The following PMFBP1 variants were observed in gnomAD, a reference collection of about 807,000 sequenced individuals.
The protein encoded by PMFBP1 is polyamine modulated factor 1 binding protein 1, also known as polyamine-modulated factor 1-binding protein 1.
In PMFBP1, 131 loss-of-function variants were observed where a neutral mutation model predicts 137.8. The ratio of observed to expected loss-of-function variants is 0.95; its 90% confidence interval spans 0.82 to 1.10. The LOEUF is 1.10. Among genes scored for constraint, PMFBP1 ranks in the 50% least tolerant of loss-of-function variants. The probability of loss-of-function intolerance (pLI) is 0.00; values close to 1 mark genes in which losing one functional copy is unlikely to be tolerated. For synonymous variants in PMFBP1, 490 were observed against 450.4 expected, an observed-to-expected ratio of 1.09 and a Z score of -1.11; for missense variants, 1,199 against 1,175.4, an observed-to-expected ratio of 1.02 and a Z score of -0.29.
chr16:72,136,719 G>C lies in PMFBP1; in HGVS notation c.1019C>G (p.Ser340Trp), dbSNP rs776632196. ...KDLRVELEAVSEQKRNIMKDM... is the reference protein window; with the variant it reads ...KDLRVELEAVWEQKRNIMKDM... ...CTTCATGATGTTTCTCTTCTGTTCC[G>C]ACACGGCCTCTAGTTCCACGCGCAG... The change falls in exon 8 of 21, where the codon TCG becomes TGG. Residue 340 changes from serine (S) to tryptophan (W), a missense_variant. By Grantham distance (177) the Ser-to-Trp change is radical. Coordinates refer to ENST00000237353, the MANE Select transcript of PMFBP1 (RefSeq NM_031293.3). The C allele has an allele frequency of 6.2e-7, 1 of 1,613,914 alleles. No individual in the cohort carries two copies. Among genetic ancestry groups the C allele is most frequent in the African/African-American group, 1.3e-5 (1 of 74,838 alleles).
At chr16:72,127,305 A>G (rs2144261319) in intron 14 of PMFBP1, among the ~76,000 whole-genome samples, 1 of 152,340 alleles carries the variant, frequency 6.6e-6, no homozygotes, top group South Asian at 2.1e-4. Flanking sequence ...CATATTTTAC[A>G]TGCCCTGGTG....
chr16:72,191,349 T>C, the PMFBP1 span, among the ~76,000 whole-genome samples: 56 of 152,382 alleles, frequency 3.7e-4, no homozygotes, highest in East Asian at 1.9e-3. Flanking sequence ...ATTATCTTTC[T>C]TCTTCCAGAA....
At chr16:72,228,357 G>A in the PMFBP1 span, among the ~76,000 whole-genome samples, 1 of 152,110 alleles carries the variant, frequency 6.6e-6, no homozygotes, top group Non-Finnish European at 1.5e-5. Flanking sequence ...ATTCCCTTAC[G>A]ATTTTGTTAT....
chr16:72,186,795 G>C, the PMFBP1 span, among the ~76,000 whole-genome samples: 1 of 152,140 alleles, frequency 6.6e-6, no homozygotes. Context: ...CACATTTATA[G>C]AAGTTTATTA....
At chr16:72,240,833 T>C in the PMFBP1 span, among the ~76,000 whole-genome samples, 49 of 152,338 alleles carry the variant, frequency 3.2e-4, no homozygotes, top group East Asian at 8.7e-3. Context: ...AATCTTTTTA[T>C]ATGTAAATAT....
the PMFBP1 span, among the ~76,000 whole-genome samples, chr16:72,227,854 C>T: frequency 2.0e-5 from 3 of 152,084 alleles, no homozygotes; most frequent in African/African-American, 7.2e-5. Flanking sequence ...AGCATTGTGC[C>T]CCCACACAAT....
the PMFBP1 span, among the ~76,000 whole-genome samples, chr16:72,190,577 G>A: frequency 6.6e-6 from 1 of 152,154 alleles, no homozygotes; most frequent in African/African-American, 2.4e-5. Context: ...GAAAGGGAAA[G>A]GGAGAGACAG....
At chr16:72,190,667 A>C in the PMFBP1 span, among the ~76,000 whole-genome samples, 1 of 152,076 alleles carries the variant, frequency 6.6e-6, no homozygotes. Flanking sequence ...AGAGAGTTGC[A>C]GGGGTGAGAG....
At chr16:72,225,934 G>GACAC in the PMFBP1 span, among the ~76,000 whole-genome samples, 4,339 of 140,720 alleles carry the variant, frequency 0.031, 92 homozygotes, top group African/African-American at 0.06. Context: ...CACACTCACA[G>GACAC]ACACACACAC....
chr16:72,142,864 A>T (rs1444211730), intron 5 of PMFBP1, among the ~76,000 whole-genome samples: 2 of 152,236 alleles, frequency 1.3e-5, no homozygotes, highest in African/African-American at 2.4e-5. Flanking sequence ...TTATATTAGG[A>T]TGGCATAATC....
At chr16:72,201,155 C>A in the PMFBP1 span, among the ~76,000 whole-genome samples, 1 of 152,192 alleles carries the variant, frequency 6.6e-6, no homozygotes, top group Non-Finnish European at 1.5e-5. Context: ...CTCTTCCCCC[C>A]TCCCCCAGCA....
chr16:72,164,099 T>TACCGCTGTGAGC (rs2043105562), intron 3 of PMFBP1, among the ~76,000 whole-genome samples: 1 of 150,852 alleles, frequency 6.6e-6, no homozygotes, highest in South Asian at 2.1e-4. Flanking sequence ...TCAAGTCAGG[T>TACCGCTGTGAGC]ACCGCTGTGA....
intron 5 of PMFBP1, among the ~76,000 whole-genome samples, chr16:72,144,779 A>G (rs1311383804): frequency 6.6e-6 from 1 of 152,220 alleles, no homozygotes; most frequent in Non-Finnish European, 1.5e-5. Context: ...AAAAATTAAA[A>G]TCTTCTGGCA....
At chr16:72,143,432 T>C (rs1365266225) in intron 5 of PMFBP1, among the ~76,000 whole-genome samples, 2 of 152,148 alleles carry the variant, frequency 1.3e-5, no homozygotes, top group East Asian at 3.9e-4. Flanking sequence ...AGAGAGAAGT[T>C]TTCCTATACA....
At chr16:72,159,940 C>A (rs995965842) in intron 3 of PMFBP1, among the ~76,000 whole-genome samples, 9 of 152,022 alleles carry the variant, frequency 5.9e-5, no homozygotes, top group African/African-American at 2.2e-4. Flanking sequence ...TTAAAATGAC[C>A]ATCTGGAGTG....
chr16:72,193,251 G>A, the PMFBP1 span, among the ~76,000 whole-genome samples: 2 of 152,102 alleles, frequency 1.3e-5, no homozygotes, highest in African/African-American at 4.8e-5. Context: ...ATTACCTGGT[G>A]TAGTGGTGCA....
intron 10 of PMFBP1, among the ~76,000 whole-genome samples, chr16:72,132,469 C>T (rs545567994): frequency 4.1e-4 from 62 of 152,350 alleles, no homozygotes; most frequent in African/African-American, 1.4e-3. Flanking sequence ...AGAGCCCTGC[C>T]TCCCTGTGGC....
At chr16:72,148,425 C>A (rs896709428) in intron 5 of PMFBP1, among the ~76,000 whole-genome samples, 9 of 152,084 alleles carry the variant, frequency 5.9e-5, no homozygotes, top group Non-Finnish European at 1.2e-4. Flanking sequence ...ATGTAAATGA[C>A]AAGTTGATAG....
Position 72,140,568 on chromosome 16 carries a change from C to T in PMFBP1, c.651G>A (p.Lys217=), listed in dbSNP as rs1232195379. ...ATATCCGTACCTTTGAATGATCACC[C>T]TTGTTCTCAGGCTCCTGAGAGATTT... The part of the protein sequence containing the change: ...GGIMGQEPEN[K]GDHSKVRIYT... Residue 217 remains lysine, a synonymous_variant, in exon 6 of 21, where the codon AAG becomes AAA. Transcript: ENST00000237353. 1.2e-6 allele frequency: 2 copies of T among 1,613,234 alleles called. No homozygotes were observed. Among genetic ancestry groups the T allele is most frequent in the African/African-American group, 2.7e-5 (2 of 74,900 alleles).
Sources: gnomAD v4.1 joint callset for allele counts (sites outside exome capture counted in the v4.1 genomes callset) on GRCh38, gnomAD v4.1.1 for gene constraint, MANE v1.5 for transcripts, NCBI Gene and HGNC (gene_info 2026-07-23, HGNC 2026-07-21) for gene names.